The following DST variants were observed in gnomAD, a reference collection of about 807,000 sequenced individuals.
DST encodes dystonin, also known as bullous pemphigoid antigen.
Under a neutral mutation model 875.2 loss-of-function variants are expected in DST, and 253 were observed. That is an observed-to-expected ratio of 0.29 (90% CI 0.26 to 0.32). DST has a LOEUF of 0.32. Among genes scored for constraint, DST ranks in the 10% least tolerant of loss-of-function variants. DST has a pLI of 1.00. For synonymous variants in DST, 3,124 were observed against 3,197.1 expected (o/e 0.98, Z 0.77); for missense variants, 8,287 against 9,111.6 (o/e 0.91, Z 3.68).
At chr6:56,820,338 T>C (rs1177093606) in intron 4 of DST, among the ~76,000 whole-genome samples, 2 of 152,230 alleles carry the variant, frequency 1.3e-5, no homozygotes, top group Non-Finnish European at 2.9e-5. Context: ...AGCCAACTCA[T>C]AACAACTTGA....
At chr6:56,858,601 A>C (rs1769268332) in intron 3 of DST, among the ~76,000 whole-genome samples, 1 of 152,186 alleles carries the variant, frequency 6.6e-6, no homozygotes, top group Admixed American at 6.5e-5. Context: ...ATGAACACTA[A>C]GGTTGATTTC....
intron 50 of DST, among the ~76,000 whole-genome samples, chr6:56,577,085 TAGAAGTC>T (rs1294253597): frequency 2.6e-5 from 4 of 152,118 alleles, no homozygotes; most frequent in Non-Finnish European, 4.4e-5. Context: ...TTGGTTTTCT[TAGAAGTC>T]AGAAAGATCT....
Position 56,607,220 on chromosome 6 carries a change from A to G in DST, c.7408T>C (p.Ser2470Pro). Residue 2470 changes from serine (S) to proline (P), a missense_variant, in exon 40 of 104, where the codon TCA (serine) becomes CCA (proline). Transcript: ENST00000680361. ...NGNKCEAPAL[S>P]FSDKTMLSGQ... ...GACAACATGGTTTTGTCACTGAATG[A>G]TAAGGCTGGGGCTTCACACTTATTT... The G allele has an allele frequency of 6.2e-7, 1 of 1,613,494 alleles. No homozygotes were observed.
At chr6:56,704,396 G>T in intron 5 of DST, 27 bp from the exon 6 acceptor site, 2 of 1,108,306 alleles carry the variant, frequency 1.8e-6, no homozygotes, top group Non-Finnish European at 2.6e-6. Context: ...AAAATTTGGG[G>T]TCCTAGAACT....
intron 3 of DST, among the ~76,000 whole-genome samples, chr6:56,886,321 A>C (rs1452604173): frequency 6.6e-6 from 1 of 152,248 alleles, no homozygotes; most frequent in Non-Finnish European, 1.5e-5. Flanking sequence ...TTATGAACTT[A>C]AGCCAATCAC....
At chr6:56,521,601 G>GAAAAAAA (rs10547460) in intron 69 of DST, among the ~76,000 whole-genome samples, 2 of 92,044 alleles carry the variant, frequency 2.2e-5, no homozygotes, top group African/African-American at 4.1e-5. Flanking sequence ...CTCTGCTAAG[G>GAAAAAAA]AAAAAAAAAA....
chr6:56,595,956 G>C (rs556517774), intron 47 of DST, among the ~76,000 whole-genome samples: 1 of 152,044 alleles, frequency 6.6e-6, no homozygotes, highest in South Asian at 2.1e-4. Flanking sequence ...GACGTTCCTG[G>C]CTCAGGTGCT....
intron 9 of DST, chr6:56,692,652 G>A (rs1284443307): frequency 2.3e-6 from 3 of 1,289,524 alleles, no homozygotes; most frequent in East Asian, 5.5e-5. Context: ...ATGTTATTTC[G>A]CTTGTGTTGA....
intron 5 of DST, among the ~76,000 whole-genome samples, chr6:56,705,566 T>C (rs2099329844): frequency 6.6e-6 from 1 of 152,222 alleles, no homozygotes; most frequent in Non-Finnish European, 1.5e-5. Context: ...ATATATATGT[T>C]TTACAATATC....
chr6:56,592,151 T>A (rs746624893), intron 49 of DST, 31 bp downstream of exon 49: 1 of 1,600,044 alleles, frequency 6.2e-7, no homozygotes, highest in Non-Finnish European at 8.5e-7. Flanking sequence ...GTAAGACTAC[T>A]GGAAATGTGG....
intron 4 of DST, among the ~76,000 whole-genome samples, chr6:56,761,421 T>G (rs1244214161): frequency 6.6e-6 from 1 of 152,236 alleles, no homozygotes; most frequent in African/African-American, 2.4e-5. Context: ...TACTGAAAGC[T>G]GCTACTGGTC....
At chr6:56,767,614 CAAAT>C (rs148013834) in intron 4 of DST, among the ~76,000 whole-genome samples, 108,143 of 142,206 alleles carry the variant, frequency 0.76, 41,849 homozygotes, top group Non-Finnish European at 0.84. Flanking sequence ...GACCCTGTCT[CAAAT>C]AAATAAATAA....
chr6:56,876,732 A>T (rs1265721804), intron 3 of DST, among the ~76,000 whole-genome samples: 1 of 152,186 alleles, frequency 6.6e-6, no homozygotes, highest in Non-Finnish European at 1.5e-5. Context: ...ATCTAACATC[A>T]ACTGGGTTCT....
Position 56,954,702 on chromosome 6 carries a change from T to G in DST, c.-115A>C, listed in dbSNP as rs1824327831. 1 of 599,292 alleles carries G rather than the reference T, an allele frequency of 1.7e-6. No individual in the cohort carries two copies. Among genetic ancestry groups the G allele is most frequent in the Non-Finnish European group, 2.1e-6 (1 of 466,360 alleles). 37.1% of individuals were successfully genotyped at this position (599,292 alleles called of 1,614,324 possible). On this transcript the variant is annotated 5_prime_UTR_variant, in exon 1 of 104. An upstream start codon of the reference 5' UTR is lost. Transcript: ENST00000680361. ...CGGGTGAGCGCGGCTCAGCGCGTCA[T>G]GCCTGGCGCTCGCGGCCCCGCGCCC...
chr6:56,567,201 T>C (rs2097693775), intron 55 of DST, among the ~76,000 whole-genome samples: 4 of 152,212 alleles, frequency 2.6e-5, no homozygotes, highest in Admixed American at 2.6e-4. Flanking sequence ...AATATTAAAA[T>C]ATCAGTTAGA....
At chr6:56,601,796 A>T (rs970279465) in intron 43 of DST, 120 bp from the exon 44 acceptor site, 2 of 637,896 alleles carry the variant, frequency 3.1e-6, no homozygotes, top group Admixed American at 3.5e-5. Context: ...AGTTTTATGA[A>T]TTTTTTTGCT....
chr6:56,580,668 C>G (rs144457036), intron 49 of DST, among the ~76,000 whole-genome samples: 360 of 149,524 alleles, frequency 2.4e-3, no homozygotes, highest in African/African-American at 8.6e-3. Flanking sequence ...CAAGAGGAGA[C>G]AAGAGTAGAA....
intron 2 of DST, among the ~76,000 whole-genome samples, chr6:56,912,620 A>G (rs1799238439): frequency 6.6e-6 from 1 of 152,156 alleles, no homozygotes. Flanking sequence ...TAACACAATA[A>G]AAGTTTATGC....
In DST at chr6:56,900,614, C is replaced by T. The variant is rs563479643; in HGVS notation, c.224G>A (p.Arg75Lys). Residue 75 changes from arginine to lysine, a missense_variant, in exon 3 of 104, where the codon AGA becomes AAA. Coordinates refer to ENST00000680361, the MANE Select transcript of DST (RefSeq NM_001374736.1). ...TCTTCTAAGATGCCGAGGGCTTGCT[C>T]TGAATCCCTGTGGCAGAAAACACAA... Reference protein sequence around the residue: ...RSHHFRSEGFRASPRHLRRRV... With the variant: ...RSHHFRSEGFKASPRHLRRRV... The T allele has an allele frequency of 2.4e-4, 331 of 1,367,500 alleles. 2 individuals carry two copies. The South Asian group carries it at 3.6e-3, about 15-fold the overall frequency. The allele number at this position is 1,367,500 out of a possible 1,614,324, so 84.7% of individuals were successfully genotyped here.
Sources: allele counts gnomAD v4.1 joint callset (sites outside exome capture counted in the v4.1 genomes callset), GRCh38; gene constraint gnomAD v4.1.1; transcripts MANE v1.5; gene names NCBI Gene and HGNC (gene_info 2026-07-23, HGNC 2026-07-21).